RAP1GDS1: variants seen among roughly 807,000 people sequenced by gnomAD.
RAP1GDS1 encodes Rap1 GTPase-GDP dissociation stimulator 1.
RAP1GDS1 carries 35 observed loss-of-function variants against 71.1 expected under a neutral mutation model. That is an observed-to-expected ratio of 0.49 (90% CI 0.38 to 0.65). The LOEUF is 0.65. RAP1GDS1 is among the 30% of genes least tolerant of loss of function. RAP1GDS1 has a pLI of 0.00. For synonymous variants in RAP1GDS1, 229 were observed against 243.1 expected (o/e 0.94, Z 0.54); for missense variants, 663 against 706.1 (o/e 0.94, Z 0.69).
chr4:98,327,794 GGAGAT>G (rs1733364229), intron 2 of RAP1GDS1, among the ~76,000 whole-genome samples: 1 of 152,160 alleles, frequency 6.6e-6, no homozygotes, highest in Non-Finnish European at 1.5e-5. Context: ...GAGCAACAAG[GGAGAT>G]TGAAGGTGAG....
chr4:98,392,868 C>A (rs1395291374), intron 6 of RAP1GDS1, among the ~76,000 whole-genome samples: 1 of 151,704 alleles, frequency 6.6e-6, no homozygotes, highest in Admixed American at 6.6e-5. Flanking sequence ...AAAACAAAAT[C>A]TGTGGAATCC....
At chr4:98,290,129 C>T (rs969296164) in intron 1 of RAP1GDS1, among the ~76,000 whole-genome samples, 1 of 152,094 alleles carries the variant, frequency 6.6e-6, no homozygotes, top group Non-Finnish European at 1.5e-5. Flanking sequence ...AAACACATAT[C>T]TATCTATATA....
In RAP1GDS1 at chr4:98,418,705, T is replaced by G; in HGVS notation, c.1088T>G (p.Met363Arg). The G allele has an allele frequency of 6.2e-7, 1 of 1,611,922 alleles. No individual in the cohort carries two copies. The highest frequency in any genetic ancestry group is 8.5e-7 in the Non-Finnish European group (1 of 1,179,104). The part of the protein sequence containing the change: ...MVDNGIVEKL[M>R]DLLDRHVEDG... ...GACAATGGGATTGTAGAAAAACTTA[T>G]GGATTTACTGGACAGACATGTAGAA... The change falls in exon 10 of 15, where the codon ATG becomes AGG. Residue 363 changes from methionine to arginine, a missense_variant. Coordinates refer to ENST00000408927, the MANE Select transcript of RAP1GDS1 (RefSeq NM_001100427.2).
intron 14 of RAP1GDS1, among the ~76,000 whole-genome samples, chr4:98,440,191 C>T (rs1751698397): frequency 6.6e-6 from 1 of 152,118 alleles, no homozygotes; most frequent in African/African-American, 2.4e-5. Flanking sequence ...AATAATTTTC[C>T]ATCATATGTA....
At chr4:98,428,929 G>A (rs1244779329) in intron 12 of RAP1GDS1, among the ~76,000 whole-genome samples, 1 of 152,076 alleles carries the variant, frequency 6.6e-6, no homozygotes, top group Non-Finnish European at 1.5e-5. Flanking sequence ...GAAAAATGTG[G>A]AACCAACCCA....
In RAP1GDS1 at chr4:98,391,935, T is replaced by C; in HGVS notation, c.509-17T>C. The C allele has an allele frequency of 1.3e-6, 2 of 1,562,034 alleles. No individual in the cohort carries two copies. Among genetic ancestry groups the C allele is most frequent in the African/African-American group, 1.4e-5 (1 of 72,262 alleles). On this transcript the variant is annotated splice_polypyrimidine_tract_variant and intron_variant, in intron 5 of 14. Transcript: ENST00000408927. ...AACACTTTCTTTTCTGTTGTTGTTT[T>C]TTTTTTGTTTTTACAGATTCGCTTC...
intron 5 of RAP1GDS1, among the ~76,000 whole-genome samples, chr4:98,389,468 G>A (rs1229366271): frequency 6.6e-6 from 1 of 152,128 alleles, no homozygotes; most frequent in Non-Finnish European, 1.5e-5. Context: ...TTGGTCCACA[G>A]TGAGTTCATC....
chr4:98,372,755 G>T (rs1392224765), intron 4 of RAP1GDS1, among the ~76,000 whole-genome samples: 1 of 152,174 alleles, frequency 6.6e-6, no homozygotes, highest in Non-Finnish European at 1.5e-5. Context: ...TGCAATCATG[G>T]CTCACTGTAA....
chr4:98,326,368 C>A (rs1733086691), intron 2 of RAP1GDS1, among the ~76,000 whole-genome samples: 1 of 152,170 alleles, frequency 6.6e-6, no homozygotes, highest in Non-Finnish European at 1.5e-5. Context: ...TCTACTTGGT[C>A]AGCAATATCT....
chr4:98,326,074 C>T (rs1733025621), intron 2 of RAP1GDS1, among the ~76,000 whole-genome samples: 1 of 152,176 alleles, frequency 6.6e-6, no homozygotes, highest in African/African-American at 2.4e-5. Context: ...TGTTCAGTAA[C>T]AATCACAGTT....
chr4:98,289,615 C>CTGAAAATA (rs1226977132), intron 1 of RAP1GDS1, among the ~76,000 whole-genome samples: 1 of 142,060 alleles, frequency 7.0e-6, no homozygotes, highest in African/African-American at 2.6e-5. Context: ...CATAGTAAAA[C>CTGAAAATA]TGAAAATATT....
chr4:98,343,864 C>T (rs1735855811), intron 3 of RAP1GDS1, among the ~76,000 whole-genome samples: 1 of 152,080 alleles, frequency 6.6e-6, no homozygotes, highest in Non-Finnish European at 1.5e-5. Flanking sequence ...GGTTTTAATT[C>T]AGTCCGTTTG....
intron 14 of RAP1GDS1, among the ~76,000 whole-genome samples, chr4:98,437,382 A>G (rs1751281253): frequency 1.3e-5 from 2 of 152,252 alleles, no homozygotes; most frequent in South Asian, 4.1e-4. Flanking sequence ...AGAAAGTATC[A>G]TATAGCAAAT....
intron 7 of RAP1GDS1, among the ~76,000 whole-genome samples, chr4:98,412,960 G>A (rs1747291853): frequency 6.6e-6 from 1 of 152,100 alleles, no homozygotes; most frequent in African/African-American, 2.4e-5. Context: ...TAGAATTACT[G>A]ATGAGGGTCT....
At chr4:98,282,366 A>G (rs548452364) in intron 1 of RAP1GDS1, among the ~76,000 whole-genome samples, 3 of 152,170 alleles carry the variant, frequency 2.0e-5, no homozygotes, top group Admixed American at 6.5e-5. Flanking sequence ...GAATTTATCC[A>G]TTTCTTCTAG....
chr4:98,340,720 G>C (rs900251502), intron 2 of RAP1GDS1, among the ~76,000 whole-genome samples: 9 of 151,950 alleles, frequency 5.9e-5, no homozygotes, highest in African/African-American at 2.2e-4. Context: ...CTTCACTCCA[G>C]CCTAGTTGAA....
chr4:98,374,578 A>T (rs1227478598), intron 4 of RAP1GDS1, among the ~76,000 whole-genome samples: 3 of 152,160 alleles, frequency 2.0e-5, no homozygotes, highest in African/African-American at 7.2e-5. Flanking sequence ...AGGAAAACAG[A>T]TTAACAGTAT....
At chr4:98,418,925 A>AT (rs1748410663) in intron 10 of RAP1GDS1, 134 bp downstream of exon 10, 1 of 929,860 alleles carries the variant, frequency 1.1e-6, no homozygotes. Context: ...CATTGTTCAC[A>AT]TTTTTTCATG....
At chr4:98,317,827 T>TA (rs750954772) in intron 2 of RAP1GDS1, among the ~76,000 whole-genome samples, 9,524 of 143,628 alleles carry the variant, frequency 0.066, 347 homozygotes, top group Admixed American at 0.13. Context: ...TATATATATA[T>TA]TTTTTTTTCT....
Sources: gnomAD v4.1 joint callset for allele counts (sites outside exome capture counted in the v4.1 genomes callset) on GRCh38, gnomAD v4.1.1 for gene constraint, MANE v1.5 for transcripts, NCBI Gene and HGNC (gene_info 2026-07-23, HGNC 2026-07-21) for gene names.